SYNE2: variants seen among roughly 807,000 people sequenced by gnomAD.
SYNE2 encodes the protein nesprin-2.
A neutral mutation model predicts 856.3 loss-of-function variants in SYNE2; 431 were observed. The ratio of observed to expected loss-of-function variants is 0.50; its 90% CI spans 0.47 to 0.55. SYNE2 has a LOEUF of 0.55. SYNE2 is among the 20% of genes least tolerant of loss of function. The probability of loss-of-function intolerance (pLI) is 0.00; values close to 1 mark genes in which losing one functional copy is unlikely to be tolerated. For synonymous variants in SYNE2, 2,923 were observed against 2,872.3 expected, an observed-to-expected ratio of 1.02 and a Z score of -0.56; for missense variants, 8,129 against 8,023.2, an observed-to-expected ratio of 1.01 and a Z score of -0.50.
At chr14:63,984,445 T>C (rs2096610003) in intron 18 of SYNE2, among the ~76,000 whole-genome samples, 1 of 152,124 alleles carries the variant, frequency 6.6e-6, no homozygotes, top group Admixed American at 6.5e-5. Flanking sequence ...GTAAATTGAG[T>C]TGTTATTTTC....
chr14:64,184,741 AG>A (rs1215703458), intron 96 of SYNE2, among the ~76,000 whole-genome samples: 5 of 152,234 alleles, frequency 3.3e-5, no homozygotes, highest in Non-Finnish European at 5.9e-5. Flanking sequence ...TGAGACCAAA[AG>A]TAGGTAATAA....
Position 64,052,794 on chromosome 14 carries a change from A to G in SYNE2, c.8881A>G (p.Ser2961Gly). 6.2e-7 allele frequency: 1 copy of G among 1,612,480 alleles called. No individual in the cohort carries two copies. Among genetic ancestry groups the G allele is most frequent in the Non-Finnish European group, 8.5e-7 (1 of 1,179,478 alleles). The part of the protein sequence containing the change: ...KTSALQEEAD[S>G]IQRNELLLNQ... Reference sequence around the variant, plus strand: ...ATCAGCGCTTCAGGAGGAGGCTGACAGTATACAGCGCAATGAACTATTACT... The same window carrying G: ...ATCAGCGCTTCAGGAGGAGGCTGACGGTATACAGCGCAATGAACTATTACT... The change falls in exon 48 of 116, where the codon AGT becomes GGT. Residue 2961 changes from serine to glycine, a missense_variant. Physicochemically the swap from Ser to Gly is moderately conservative, Grantham distance 56 (BLOSUM62 0). Transcript: ENST00000555002.
At chr14:64,203,687 ATTCT>A (rs2098590496) in intron 100 of SYNE2, among the ~76,000 whole-genome samples, 1 of 151,880 alleles carries the variant, frequency 6.6e-6, no homozygotes, top group African/African-American at 2.4e-5. Context: ...AGTTTATCTT[ATTCT>A]TTCTTTAGCT....
At chr14:64,135,556 A>G (rs1013002804) in intron 78 of SYNE2, among the ~76,000 whole-genome samples, 9 of 152,190 alleles carry the variant, frequency 5.9e-5, no homozygotes, top group Admixed American at 4.6e-4. Flanking sequence ...TACAGAAGGT[A>G]TCATCTAAAC....
intron 33 of SYNE2, among the ~76,000 whole-genome samples, chr14:64,017,039 AG>A (rs1160786864): frequency 6.6e-6 from 1 of 152,138 alleles, no homozygotes; most frequent in Non-Finnish European, 1.5e-5. Context: ...TTAGAAATGA[AG>A]AAGACTAGAC....
intron 1 of SYNE2, among the ~76,000 whole-genome samples, chr14:63,769,890 T>C (rs1595093613): frequency 6.6e-6 from 1 of 151,734 alleles, no homozygotes; most frequent in East Asian, 2.0e-4. Context: ...CAGAGCCAGA[T>C]CCTGTCTCAA....
intron 1 of SYNE2, among the ~76,000 whole-genome samples, chr14:63,892,915 A>G (rs2095168713): frequency 6.6e-6 from 1 of 151,904 alleles, no homozygotes; most frequent in African/African-American, 2.4e-5. Flanking sequence ...TTTTATTCAC[A>G]AAGGATTTAA....
chr14:64,165,179 G>A (rs1445515584), intron 89 of SYNE2, 106 bp from the exon 90 acceptor site: 2 of 1,239,696 alleles, frequency 1.6e-6, no homozygotes, highest in Middle Eastern at 5.0e-4. Context: ...GAGCCACCGT[G>A]CCTAGCCAAA....
chr14:64,173,804 T>C, intron 94 of SYNE2: 1 of 551,732 alleles, frequency 1.8e-6, no homozygotes, highest in Non-Finnish European at 3.2e-6. Flanking sequence ...ATTTAATTTT[T>C]CCTCTAAAAC....
chr14:64,161,160 A>G (rs2098326382), intron 87 of SYNE2, among the ~76,000 whole-genome samples: 1 of 152,142 alleles, frequency 6.6e-6, no homozygotes, highest in South Asian at 2.1e-4. Context: ...CCTGGGTAGC[A>G]TGGTGAAACC....
intron 8 of SYNE2, among the ~76,000 whole-genome samples, chr14:63,958,878 AT>A (rs1417464081): frequency 1.3e-5 from 2 of 152,146 alleles, no homozygotes; most frequent in African/African-American, 2.4e-5. Flanking sequence ...TTAATGGTCA[AT>A]TTTTTAAAAA....
intron 30 of SYNE2, among the ~76,000 whole-genome samples, chr14:64,003,930 T>A (rs1450114013): frequency 2.0e-5 from 3 of 152,230 alleles, no homozygotes; most frequent in Non-Finnish European, 4.4e-5. Flanking sequence ...GCATTTGGAA[T>A]AGGGCCTTCA....
At chr14:64,139,864 A>T (rs1165724566) in intron 79 of SYNE2, 77 bp from the exon 80 acceptor site, 2 of 1,488,758 alleles carry the variant, frequency 1.3e-6, no homozygotes, top group Non-Finnish European at 1.9e-6. Flanking sequence ...CAATAAAATA[A>T]GAAAATTTGC....
rs780624109 is a variant in SYNE2, at chr14:64,224,750, C to A, written c.20469+203C>A. Among the ~76,000 whole-genome samples the A allele has an allele frequency of 7.6e-4, 115 of 152,070 alleles. 4 individuals are homozygous for A. Among genetic ancestry groups the A allele is most frequent in the Non-Finnish European group, 2.6e-4 (18 of 68,018 alleles). ...TTGTGAATGAGAGCTCTTATAGTGT[C>A]GCTAAAGGGGTTCCCTGATTTTGCC... On this transcript the variant is annotated intron_variant, in intron 114 of 115. Coordinates refer to ENST00000555002, the MANE Select transcript of SYNE2 (RefSeq NM_182914.3).
intron 57 of SYNE2, among the ~76,000 whole-genome samples, chr14:64,086,234 C>A (rs2097560362): frequency 1.3e-5 from 2 of 152,138 alleles, no homozygotes; most frequent in African/African-American, 2.4e-5. Flanking sequence ...TGGGGATATC[C>A]AATTGTTTCT....
intron 1 of SYNE2, among the ~76,000 whole-genome samples, chr14:63,882,309 T>TG (rs748153121): frequency 7.2e-5 from 11 of 152,226 alleles, no homozygotes; most frequent in Non-Finnish European, 1.3e-4. Flanking sequence ...ATATTAATAA[T>TG]GGTGTTAAGT....
intron 96 of SYNE2, among the ~76,000 whole-genome samples, chr14:64,183,165 G>A (rs1312144547): frequency 6.9e-4 from 102 of 148,824 alleles, no homozygotes; most frequent in Non-Finnish European, 1.1e-3. Flanking sequence ...CGGACGGGGC[G>A]ACTGCCGGGC....
chr14:64,142,481 T>C (rs1042274283), intron 82 of SYNE2, among the ~76,000 whole-genome samples: 6 of 152,206 alleles, frequency 3.9e-5, no homozygotes, highest in Non-Finnish European at 8.8e-5. Context: ...CACGTTTAAC[T>C]GTATACGTCC....
At chr14:63,990,031 T>C (rs1455698454) in intron 19 of SYNE2, among the ~76,000 whole-genome samples, 4 of 152,222 alleles carry the variant, frequency 2.6e-5, no homozygotes, top group African/African-American at 9.6e-5. Flanking sequence ...TGTTATGATA[T>C]ATAAAGATTA....
Sources: gnomAD v4.1 joint callset for allele counts (sites outside exome capture counted in the v4.1 genomes callset) on GRCh38, gnomAD v4.1.1 for gene constraint, MANE v1.5 for transcripts, NCBI Gene and HGNC (gene_info 2026-07-23, HGNC 2026-07-21) for gene names.